Variants in ZNF410 observed in about 807,000 individuals in gnomAD.
ZNF410 encodes the protein zinc finger protein 410.
ZNF410 carries 18 observed loss-of-function variants against 54.8 expected under a neutral mutation model. The observed-to-expected ratio is 0.33, with a 90% CI of 0.23 to 0.49. The LOEUF (loss-of-function observed/expected upper bound fraction) is 0.49, where lower values mean the gene tolerates loss of function less well. Ranked by LOEUF, ZNF410 falls within the 20% of genes least tolerant of loss-of-function variation. The pLI is 0.99. For missense variants in ZNF410, 405 were observed against 569.6 expected, an observed-to-expected ratio of 0.71 and a Z score of 2.94; for synonymous variants, 191 against 207.3, an observed-to-expected ratio of 0.92 and a Z score of 0.68.
chr14:73,923,015 A>G (rs1053005040), intron 10 of ZNF410, among the ~76,000 whole-genome samples: 1 of 152,126 alleles, frequency 6.6e-6, no homozygotes, highest in Non-Finnish European at 1.5e-5. Context: ...GTGAGACCCT[A>G]TGTTTTTGTT....
chr14:73,905,509 T>G (rs1566657283), intron 7 of ZNF410: 1 of 154,882 alleles, frequency 6.5e-6, no homozygotes. Flanking sequence ...ATACAAAAGA[T>G]AAGATATAAT....
At position 73,909,405 on chromosome 14, in the gene ZNF410, C is replaced by T; in HGVS notation, c.978C>T (p.Leu326=). ...GTTCCTTTGCTGAGTATTCTAGCCT[C>T]CGAAAACATCTGGTGGTTCACTCAG... is the stretch of plus-strand genomic sequence containing the variant. ...CGRSFAEYSS[L]RKHLVVHSGE... The change falls in exon 8 of 12, where the codon CTC becomes CTT. Residue 326 remains leucine, a synonymous_variant. Transcript: ENST00000555044. 1.2e-6 allele frequency: 2 copies of T among 1,614,058 alleles called. No individual in the cohort carries two copies. Among genetic ancestry groups the T allele is most frequent in the Non-Finnish European group, 1.7e-6 (2 of 1,179,978 alleles).
intron 11 of ZNF410, among the ~76,000 whole-genome samples, chr14:73,925,394 G>A (rs949634929): frequency 6.6e-6 from 1 of 151,730 alleles, no homozygotes; most frequent in South Asian, 2.1e-4. Context: ...TCGAAGTTAC[G>A]GCTGAGAGCG....
chr14:73,906,487 T>G (rs1365594685), intron 7 of ZNF410: 2 of 151,992 alleles, frequency 1.3e-5, no homozygotes, highest in African/African-American at 2.4e-5. Flanking sequence ...TTTTTCTTAT[T>G]TATTTATTTT....
At chr14:73,926,049 A>C (rs1165866567) in intron 11 of ZNF410, among the ~76,000 whole-genome samples, 1 of 152,006 alleles carries the variant, frequency 6.6e-6, no homozygotes, top group African/African-American at 2.4e-5. Context: ...ACAAAAACAC[A>C]ATTAACTTTA....
In ZNF410 at chr14:73,903,865, G is replaced by T. The variant is rs1445631260; in HGVS notation, c.581-95G>T. 5.5e-6 allele frequency: 8 copies of T among 1,467,624 alleles called. No homozygotes were observed. In the East Asian group the frequency reaches 1.6e-4, roughly 29 times the overall value. 90.9% of individuals were successfully genotyped at this position (1,467,624 alleles called of 1,614,324 possible). On this transcript the variant is annotated intron_variant, in intron 5 of 11. Transcript: ENST00000555044. ...AGATGAAGATAGATACCTGATTAAT[G>T]ATCACTAGGAGTAAAATATAGGAGC...
chr14:73,923,508 G>C lies in ZNF410; in HGVS notation c.1384G>C (p.Val462Leu). The change falls in exon 11 of 12, where the codon GTA becomes CTA. Residue 462 changes from valine to leucine, a missense_variant. By Grantham distance (32) the Val-to-Leu change is conservative. Transcript: ENST00000555044. ...ATATGAAGTTTCTGTCTTAACTGCAGTAAATCCACAAGAGGTAAAGTGGTC... is the reference window on the plus strand; with the variant it reads ...ATATGAAGTTTCTGTCTTAACTGCACTAAATCCACAAGAGGTAAAGTGGTC... ...QSYEVSVLTA[V>L]NPQELLNQGD... 1 of 1,612,986 alleles carries C rather than the reference G, an allele frequency of 6.2e-7. No individual in the cohort carries two copies. Among genetic ancestry groups the C allele is most frequent in the South Asian group, 1.1e-5 (1 of 90,718 alleles).
At chr14:73,908,443 A>G (rs532559749) in intron 7 of ZNF410, among the ~76,000 whole-genome samples, 3 of 152,262 alleles carry the variant, frequency 2.0e-5, no homozygotes, top group East Asian at 3.9e-4. Context: ...CTTTTTGAGT[A>G]CCTAGCATTC....
rs759002772 is a variant in ZNF410, at chr14:73,898,275, G to T, written c.580+13G>T. The T allele has an allele frequency of 1.2e-6, 2 of 1,613,666 alleles. No homozygotes were observed. The highest frequency in any genetic ancestry group is 8.5e-7 in the Non-Finnish European group (1 of 1,179,770). On this transcript the variant is annotated intron_variant, in intron 5 of 11. Coordinates refer to ENST00000555044, the MANE Select transcript of ZNF410 (RefSeq NM_021188.3). ...ACCAGCAGCAATGGTGAGGCCCGTC[G>T]GCATTTTCCTTGCCACTATTCTGTG...
intron 5 of ZNF410, among the ~76,000 whole-genome samples, chr14:73,900,035 A>G (rs1249376822): frequency 1.3e-5 from 2 of 152,076 alleles, no homozygotes; most frequent in African/African-American, 4.8e-5. Flanking sequence ...GTCTCTACTA[A>G]AAATACAAAA....
At chr14:73,898,293 A>C in intron 5 of ZNF410, 31 bp downstream of exon 5, 1 of 1,611,422 alleles carries the variant, frequency 6.2e-7, no homozygotes, top group Non-Finnish European at 8.5e-7. Flanking sequence ...CCTTGCCACT[A>C]TTCTGTGCAA....
intron 5 of ZNF410, chr14:73,903,681 G>T: frequency 2.7e-6 from 1 of 364,136 alleles, no homozygotes; most frequent in South Asian, 4.1e-5. Flanking sequence ...TTTGTGTTTT[G>T]TAAAGATATG....
intron 7 of ZNF410, among the ~76,000 whole-genome samples, chr14:73,908,864 G>GTC (rs754706987): frequency 2.0e-5 from 3 of 151,924 alleles, no homozygotes; most frequent in Admixed American, 6.6e-5. Context: ...TTGAGACAGG[G>GTC]TCTCTCTCTC....
chr14:73,903,102 T>C (rs1209504261), intron 5 of ZNF410, among the ~76,000 whole-genome samples: 1 of 152,214 alleles, frequency 6.6e-6, no homozygotes, highest in African/African-American at 2.4e-5. Context: ...CCAGAATGAC[T>C]ACTTCTTCTT....
Position 73,921,113 on chromosome 14 carries a change from G to A in ZNF410, c.1129+8G>A, listed in dbSNP as rs760201334. 4.2e-5 allele frequency: 67 copies of A among 1,613,576 alleles called. No individual in the cohort carries two copies. The highest frequency in any genetic ancestry group is 3.3e-4 in the Middle Eastern group (2 of 5,974). ...AAGAGCAGGAGCAAACTGGTGAGGA[G>A]GGTGGGCATAGTGGAACGCTGTACT... On this transcript the variant is annotated splice_region_variant and intron_variant, in intron 9 of 11. Transcript: ENST00000555044.
At chr14:73,901,929 GTC>G (rs992965493) in intron 5 of ZNF410, among the ~76,000 whole-genome samples, 23 of 142,836 alleles carry the variant, frequency 1.6e-4, no homozygotes, top group African/African-American at 5.3e-4. Flanking sequence ...ATGAGACCCT[GTC>G]TCAAAAAAAA....
At chr14:73,897,576 G>A (rs1342792620) in intron 4 of ZNF410, among the ~76,000 whole-genome samples, 6 of 152,238 alleles carry the variant, frequency 3.9e-5, no homozygotes, top group Admixed American at 1.3e-4. Flanking sequence ...GAGGAGGCAA[G>A]GTAATGACAA....
intron 10 of ZNF410, chr14:73,922,445 C>T (rs2140325046): frequency 6.7e-6 from 2 of 296,442 alleles, no homozygotes; most frequent in East Asian, 5.7e-5. Flanking sequence ...AAAAATTATT[C>T]CTAATCCTAG....
chr14:73,909,725 G>A (rs1018132274), intron 8 of ZNF410: 13 of 246,096 alleles, frequency 5.3e-5, no homozygotes, highest in Non-Finnish European at 1.6e-5. Context: ...ATAAAACATG[G>A]ACCCTCTTCT....
Sources: gnomAD v4.1 joint callset for allele counts (sites outside exome capture counted in the v4.1 genomes callset) on GRCh38, gnomAD v4.1.1 for gene constraint, MANE v1.5 for transcripts, NCBI Gene and HGNC (gene_info 2026-07-23, HGNC 2026-07-21) for gene names.